RABEP1: variants seen among roughly 807,000 people sequenced by gnomAD.
RABEP1 encodes the protein rabaptin, RAB GTPase binding effector protein 1.
Under a neutral mutation model 123.4 loss-of-function variants are expected in RABEP1, and 51 were observed. The observed-to-expected ratio is 0.41, with a 90% CI of 0.33 to 0.52. The LOEUF (loss-of-function observed/expected upper bound fraction) is 0.52, where lower values mean the gene tolerates loss of function less well. RABEP1 is among the 20% of genes least tolerant of loss of function. The pLI, the probability that RABEP1 is intolerant of heterozygous loss-of-function variation, is 0.16. For missense variants in RABEP1, 888 were observed against 996.3 expected (o/e 0.89, Z 1.46); for synonymous variants, 347 against 355.2 (o/e 0.98, Z 0.26).
At chr17:5,295,491 A>T (rs199536314) in intron 1 of RABEP1, among the ~76,000 whole-genome samples, 1 of 151,494 alleles carries the variant, frequency 6.6e-6, no homozygotes, top group Non-Finnish European at 1.5e-5. Flanking sequence ...TATTGTTTTT[A>T]TTTTTTTCTA....
At chr17:5,284,392 C>T (rs998807669) in intron 1 of RABEP1, among the ~76,000 whole-genome samples, 1 of 151,950 alleles carries the variant, frequency 6.6e-6, no homozygotes, top group African/African-American at 2.4e-5. Context: ...CTACTTTTTA[C>T]AGTAGGAGAG....
At chr17:5,323,843 TATATATATATCTA>T (rs1905690883) in intron 2 of RABEP1, among the ~76,000 whole-genome samples, 1 of 132,680 alleles carries the variant, frequency 7.5e-6, no homozygotes, top group East Asian at 2.1e-4. Flanking sequence ...TCTAGGAATA[TATATATATATCTA>T]GGAATATATA....
At chr17:5,329,790 A>C (rs1043438891) in intron 2 of RABEP1, among the ~76,000 whole-genome samples, 5 of 148,996 alleles carry the variant, frequency 3.4e-5, no homozygotes, top group Admixed American at 3.4e-4. Context: ...GTATTTATAT[A>C]TATAAATATA....
rs555377278 is a variant in RABEP1 at position 5,331,066 on chromosome 17, A to G, written c.164-883A>G. Among the ~76,000 whole-genome samples the G allele has an allele frequency of 1.2e-4, 16 of 133,830 alleles. No homozygotes were observed. In the South Asian group the frequency reaches 3.9e-3, roughly 33 times the overall value. 87.8% of individuals were successfully genotyped at this position (133,830 alleles called of 152,430 possible). On this transcript the variant is annotated intron_variant, in intron 2 of 17. Transcript: ENST00000537505. ...TTTTTTTTTTTTTTTAAAGAAACAC[A>G]GCGGCTGACTGGGAAAAGTTTTGTA...
chr17:5,310,300 C>T (rs7212514), intron 2 of RABEP1, among the ~76,000 whole-genome samples: 1 of 93,868 alleles, frequency 1.1e-5, no homozygotes, highest in Admixed American at 1.0e-4. Flanking sequence ...AAAGCTTCGT[C>T]CTTTTTTTTT....
chr17:5,338,113 A>C lies in RABEP1; in HGVS notation c.623A>C (p.Lys208Thr), dbSNP rs1597368382. 6.2e-7 allele frequency: 1 copy of C among 1,613,464 alleles called. No individual in the cohort carries two copies. Among genetic ancestry groups the C allele is most frequent in the African/African-American group, 1.3e-5 (1 of 75,036 alleles). ...GATAAACTGACAGAGGCTGAAGACA[A>C]AATTAAAGAGCTGGAGGCCTCAAAG... ...LKDKLTEAED[K>T]IKELEASKVK... Residue 208 changes from lysine (K) to threonine (T), a missense_variant, in exon 5 of 18, where the codon AAA (lysine) becomes ACA (threonine). Physicochemically the swap from Lys to Thr is moderately conservative, Grantham distance 78. Coordinates refer to ENST00000537505, the MANE Select transcript of RABEP1 (RefSeq NM_004703.6).
chr17:5,344,771 CAA>C (rs1177790100), intron 5 of RABEP1, among the ~76,000 whole-genome samples: 5 of 46,938 alleles, frequency 1.1e-4, no homozygotes, highest in Non-Finnish European at 1.8e-4. Flanking sequence ...GACACTGTCT[CAA>C]AAAAAAAAAA....
At chr17:5,285,876 G>A (rs1415803372) in intron 1 of RABEP1, among the ~76,000 whole-genome samples, 1 of 150,802 alleles carries the variant, frequency 6.6e-6, no homozygotes, top group Non-Finnish European at 1.5e-5. Flanking sequence ...CTTATCATAT[G>A]CATGTACCAG....
chr17:5,310,727 T>G (rs1460662266), intron 2 of RABEP1, among the ~76,000 whole-genome samples: 1 of 152,054 alleles, frequency 6.6e-6, no homozygotes, highest in Non-Finnish European at 1.5e-5. Context: ...TTTTCCTCCT[T>G]GCGTTGGGTT....
At chr17:5,346,134 G>T (rs1908041634) in intron 5 of RABEP1, among the ~76,000 whole-genome samples, 1 of 152,114 alleles carries the variant, frequency 6.6e-6, no homozygotes, top group Non-Finnish European at 1.5e-5. Context: ...AAACTCCTGA[G>T]CTCAAGCATT....
chr17:5,299,349 AAC>A (rs1037848368), intron 1 of RABEP1, among the ~76,000 whole-genome samples: 1 of 150,816 alleles, frequency 6.6e-6, no homozygotes, highest in Non-Finnish European at 1.5e-5. Context: ...TCATTTAGAG[AAC>A]ACAGTCTGGG....
At position 5,362,848 on chromosome 17, in the gene RABEP1, T is replaced by G. The variant is rs568729559; in HGVS notation, c.1564-64T>G. The G allele has an allele frequency of 1.0e-5, 11 of 1,068,260 alleles. No individual in the cohort carries two copies. The Admixed American group carries it at 1.7e-4, about 17-fold the overall frequency. 66.2% of individuals were successfully genotyped at this position (1,068,260 alleles called of 1,614,324 possible). ...ACTACCATTGGTAAGACTATGCACG[T>G]GTACCTCAAGTGTGTGATGTAGAAT... On this transcript the variant is annotated intron_variant, in intron 9 of 17. Coordinates refer to ENST00000537505, the MANE Select transcript of RABEP1 (RefSeq NM_004703.6).
At chr17:5,294,223 A>C (rs1308089856) in intron 1 of RABEP1, among the ~76,000 whole-genome samples, 1 of 152,100 alleles carries the variant, frequency 6.6e-6, no homozygotes, top group Admixed American at 6.6e-5. Context: ...CTGTCTACTA[A>C]AAATACAAAA....
At chr17:5,334,464 T>G (rs1294996195) in intron 3 of RABEP1, among the ~76,000 whole-genome samples, 1 of 152,168 alleles carries the variant, frequency 6.6e-6, no homozygotes, top group Non-Finnish European at 1.5e-5. Context: ...ACTCCTGACC[T>G]CAGGTGATCC....
intron 12 of RABEP1, among the ~76,000 whole-genome samples, chr17:5,370,189 C>T (rs1244716026): frequency 1.3e-5 from 2 of 152,046 alleles, no homozygotes; most frequent in Non-Finnish European, 2.9e-5. Context: ...GCATGCTTGC[C>T]CTTGTTCTTA....
chr17:5,372,250 C>G (rs750839378), intron 12 of RABEP1, among the ~76,000 whole-genome samples: 13 of 152,092 alleles, frequency 8.5e-5, no homozygotes, highest in African/African-American at 3.1e-4. Context: ...TGAGACCAGC[C>G]TGGCCAACAT....
intron 11 of RABEP1, among the ~76,000 whole-genome samples, chr17:5,366,591 A>C (rs1910014838): frequency 6.6e-6 from 1 of 151,800 alleles, no homozygotes; most frequent in Non-Finnish European, 1.5e-5. Flanking sequence ...GATTACAGGC[A>C]CTTACCACCA....
intron 2 of RABEP1, among the ~76,000 whole-genome samples, chr17:5,326,303 C>G (rs955147604): frequency 5.9e-5 from 9 of 152,104 alleles, no homozygotes; most frequent in African/African-American, 2.2e-4. Context: ...GAATATTATT[C>G]CATGCTAAAA....
intron 11 of RABEP1, among the ~76,000 whole-genome samples, chr17:5,367,373 G>A (rs1419794281): frequency 1.3e-5 from 2 of 151,720 alleles, no homozygotes; most frequent in Admixed American, 6.6e-5. Flanking sequence ...CCAGGTTCAA[G>A]CGATTCTCCT....
Sources: allele counts gnomAD v4.1 joint callset (sites outside exome capture counted in the v4.1 genomes callset), GRCh38; gene constraint gnomAD v4.1.1; transcripts MANE v1.5; gene names NCBI Gene and HGNC (gene_info 2026-07-23, HGNC 2026-07-21).